Variants in ABCC12 observed in about 807,000 individuals in gnomAD.
ABCC12 encodes the protein ATP binding cassette subfamily C member 12, also known as ATP-binding cassette sub-family C member 12.
Under a neutral mutation model 151.1 loss-of-function variants are expected in ABCC12, and 142 were observed. That is an observed-to-expected ratio of 0.94 (90% CI 0.82 to 1.08). The LOEUF (loss-of-function observed/expected upper bound fraction) is 1.08, where lower values mean the gene tolerates loss of function less well. Among genes scored for constraint, ABCC12 ranks in the 50% least tolerant of loss-of-function variants. The pLI is 0.00. For missense variants in ABCC12, 1,638 were observed against 1,691.1 expected (o/e 0.97, Z 0.55); for synonymous variants, 645 against 646.4 (o/e 1.00, Z 0.03).
chr16:48,092,285 GA>G (rs1246355225), intron 24 of ABCC12, among the ~76,000 whole-genome samples: 1 of 152,226 alleles, frequency 6.6e-6, no homozygotes, highest in Non-Finnish European at 1.5e-5. Flanking sequence ...GTGAGCAGGG[GA>G]AGAGAGGCCA....
chr16:48,143,819 C>A, intron 4 of ABCC12, 91 bp downstream of exon 4: 1 of 1,482,034 alleles, frequency 6.7e-7, no homozygotes, highest in Non-Finnish European at 9.1e-7. Context: ...TCCATTAAAC[C>A]TCTTTTTCTT....
Position 48,140,832 on chromosome 16 carries a change from GC to G in ABCC12, c.511del (p.Ala171ProfsTer24), listed in dbSNP as rs748297221. ...AAAGAAGACTTTGGTAAACTCGGTG[GC>G]AAAAAGGGCTATGCACAGTCCAATG... The part of the protein sequence containing the change: ...VGIGLCIALF[A>X]TEFTKVFFWA... On this transcript the variant is annotated frameshift_variant, in exon 6 of 31. Coordinates refer to ENST00000311303, the MANE Select transcript of ABCC12 (RefSeq NM_001393797.1). LOFTEE classifies it high-confidence loss of function. 18 of 1,613,984 alleles carry G rather than the reference GC, an allele frequency of 1.1e-5. No homozygotes were observed. In the African/African-American group the frequency reaches 2.3e-4, roughly 20 times the overall value.
chr16:48,115,679 G>T, intron 14 of ABCC12, 61 bp from the exon 15 acceptor site: 1 of 1,514,216 alleles, frequency 6.6e-7, no homozygotes, highest in Non-Finnish European at 8.9e-7. Flanking sequence ...TTGGGCAATG[G>T]AAGCTTCCTG....
At chr16:48,088,841 G>T in intron 25 of ABCC12, 107 bp from the exon 26 acceptor site, 2 of 974,454 alleles carry the variant, frequency 2.1e-6, no homozygotes, top group Non-Finnish European at 1.5e-6. Context: ...TATTCATGGT[G>T]GTGAAATAAA....
chr16:48,124,123 G>A (rs1343170387), intron 12 of ABCC12, 90 bp downstream of exon 12: 2 of 1,366,030 alleles, frequency 1.5e-6, no homozygotes, highest in Non-Finnish European at 2.1e-6. Context: ...TGCAGCCGAG[G>A]CCATCTGCTG....
intron 18 of ABCC12, among the ~76,000 whole-genome samples, chr16:48,108,972 G>T (rs1351882432): frequency 6.6e-6 from 1 of 152,154 alleles, no homozygotes; most frequent in East Asian, 1.9e-4. Flanking sequence ...CACACTCAGG[G>T]CTTTTTCACG....
chr16:48,146,616 G>A, intron 2 of ABCC12, 142 bp from the exon 3 acceptor site: 1 of 575,634 alleles, frequency 1.7e-6, no homozygotes, highest in Non-Finnish European at 3.1e-6. Context: ...ATTTGTAGGG[G>A]AGTGTGGCCA....
In ABCC12 at chr16:48,128,665, C is replaced by T. The variant is rs747810074; in HGVS notation, c.1309G>A (p.Ala437Thr). 4 of 1,613,986 alleles carry T rather than the reference C, an allele frequency of 2.5e-6. No individual in the cohort carries two copies. Among genetic ancestry groups the T allele is most frequent in the Admixed American group, 3.3e-5 (2 of 59,988 alleles). Residue 437 changes from alanine to threonine, a missense_variant, in exon 11 of 31, where the codon GCA (alanine) becomes ACA (threonine). Physicochemically the swap from Ala to Thr is moderately conservative, Grantham distance 58. Transcript: ENST00000311303. ...PEDPDTVLLLANATLTWEHEA... is the reference protein window; with the variant it reads ...PEDPDTVLLLTNATLTWEHEA... ...TGCTCCCATGTCAAGGTGGCATTTG[C>T]TAAAAGCAAGACAGTATCTGGGTCT...
Position 48,096,917 on chromosome 16 carries a change from G to C in ABCC12, c.3039-15C>G. The C allele has an allele frequency of 6.2e-7, 1 of 1,614,046 alleles. No individual in the cohort carries two copies. Among genetic ancestry groups the C allele is most frequent in the Non-Finnish European group, 8.5e-7 (1 of 1,180,004 alleles). On this transcript the variant is annotated splice_polypyrimidine_tract_variant and intron_variant, in intron 23 of 30. Coordinates refer to ENST00000311303, the MANE Select transcript of ABCC12 (RefSeq NM_001393797.1). The stretch of plus-strand genomic sequence containing the variant: ...AGAGGAGGTGACTGGAGTTTTCGTC[G>C]TTTAGCGTCTTAAACCTACAGTCAA...
chr16:48,129,580 C>G (rs923933298), intron 10 of ABCC12, among the ~76,000 whole-genome samples: 1 of 152,076 alleles, frequency 6.6e-6, no homozygotes, highest in Non-Finnish European at 1.5e-5. Flanking sequence ...GCTGGAGAGC[C>G]TGGAGGGGAC....
chr16:48,095,485 T>TA (rs147730719), intron 24 of ABCC12, among the ~76,000 whole-genome samples: 2 of 152,222 alleles, frequency 1.3e-5, no homozygotes, highest in East Asian at 3.9e-4. Context: ...TGCATCCATG[T>TA]AAAAAATGAT....
Position 48,088,557 on chromosome 16 carries a change from T to C in ABCC12, c.3463A>G (p.Arg1155Gly), listed in dbSNP as rs762524375. ...AGCTTGTCCTCACCGGAACCTGTTC[T>C]TCCAACAATCCCGACTGTCTGCCCA... ...QSGQTVGIVG[R>G]TGSGKSSLGM... Residue 1155 changes from arginine (R) to glycine (G), a missense_variant, in exon 26 of 31, where the codon AGA (arginine) becomes GGA (glycine). Coordinates refer to ENST00000311303, the MANE Select transcript of ABCC12 (RefSeq NM_001393797.1). 1.2e-6 allele frequency: 2 copies of C among 1,613,794 alleles called. No individual in the cohort carries two copies. Among genetic ancestry groups the C allele is most frequent in the Non-Finnish European group, 1.7e-6 (2 of 1,179,856 alleles).
chr16:48,094,273 C>T (rs1014030173), intron 24 of ABCC12, among the ~76,000 whole-genome samples: 4 of 152,186 alleles, frequency 2.6e-5, no homozygotes, highest in African/African-American at 4.8e-5. Context: ...ACAGAGAATA[C>T]ATTTTTGTTT....
intron 29 of ABCC12, among the ~76,000 whole-genome samples, chr16:48,084,391 A>G (rs879860436): frequency 2.6e-5 from 4 of 152,256 alleles, no homozygotes; most frequent in Non-Finnish European, 5.9e-5. Flanking sequence ...CTACTGTGCT[A>G]AACTGAGTCG....
chr16:48,115,262 C>A (rs2150624461), intron 15 of ABCC12, among the ~76,000 whole-genome samples, 153 bp downstream of exon 15: 1 of 152,242 alleles, frequency 6.6e-6, no homozygotes, highest in South Asian at 2.1e-4. Context: ...GCCAGGAAGG[C>A]TGGGGAATCA....
At chr16:48,108,658 T>A (rs924036309) in intron 18 of ABCC12, 129 bp from the exon 19 acceptor site, 2 of 658,284 alleles carry the variant, frequency 3.0e-6, no homozygotes, top group African/African-American at 3.6e-5. Flanking sequence ...ACTCGTCCCA[T>A]GCTCTCAAAT....
chr16:48,133,753 G>A lies in ABCC12; in HGVS notation c.1062C>T (p.Ser354=). Reference sequence around the variant, plus strand: ...ATAATGTCAGCACGATGGCTATGGTGGACACGATGGGGGCCAGGGCAGAGT... The same window carrying A: ...ATAATGTCAGCACGATGGCTATGGTAGACACGATGGGGGCCAGGGCAGAGT... ...SGNSALAPIV[S]TIAIVLTLSC... is the part of the protein sequence containing the mutation. Residue 354 remains serine (S), a synonymous_variant, in exon 9 of 31, where the codon TCC becomes TCT. Coordinates refer to ENST00000311303, the MANE Select transcript of ABCC12 (RefSeq NM_001393797.1). 6.2e-7 allele frequency: 1 copy of A among 1,614,080 alleles called. No homozygotes were observed. The highest frequency in any genetic ancestry group is 1.1e-5 in the South Asian group (1 of 91,080).
Position 48,096,902 on chromosome 16 carries a change from A to C in ABCC12, c.3039T>G (p.Tyr1013Ter). Residue 1013 changes from tyrosine (Y) to a stop codon, truncating the protein, a stop_gained and splice_region_variant, in exon 24 of 31, where the codon TAT becomes TAG. Coordinates refer to ENST00000311303, the MANE Select transcript of ABCC12 (RefSeq NM_001393797.1). LOFTEE classifies it high-confidence loss of function. ...GAGCACAGTTAAAGTAGAGGAGGTG[A>C]CTGGAGTTTTCGTCGTTTAGCGTCT... ...AYGKKESCIT[Y>*]HLLYFNCALR... 2.5e-6 allele frequency: 4 copies of C among 1,614,158 alleles called. No homozygotes were observed. Among genetic ancestry groups the C allele is most frequent in the Non-Finnish European group, 3.4e-6 (4 of 1,180,040 alleles).
At chr16:48,102,698 ACT>A (rs1470047934) in intron 22 of ABCC12, among the ~76,000 whole-genome samples, 1 of 152,172 alleles carries the variant, frequency 6.6e-6, no homozygotes, top group East Asian at 1.9e-4. Flanking sequence ...CGCATTTGCC[ACT>A]GTCCACGGAC....
Sources: gnomAD v4.1 joint callset for allele counts (sites outside exome capture counted in the v4.1 genomes callset) on GRCh38, gnomAD v4.1.1 for gene constraint, MANE v1.5 for transcripts, NCBI Gene and HGNC (gene_info 2026-07-23, HGNC 2026-07-21) for gene names.